SYN3: variants seen among roughly 807,000 people sequenced by gnomAD.
SYN3 encodes synapsin-3.
A neutral mutation model predicts 65.8 loss-of-function variants in SYN3; 35 were observed. The observed-to-expected ratio is 0.53, with a 90% CI of 0.41 to 0.70. SYN3 has a LOEUF of 0.70. Among genes scored for constraint, SYN3 ranks in the 30% least tolerant of loss-of-function variants. The probability of loss-of-function intolerance (pLI) is 0.00; values close to 1 mark genes in which losing one functional copy is unlikely to be tolerated. For missense variants in SYN3, 680 were observed against 749.0 expected (o/e 0.91, Z 1.08); for synonymous variants, 270 against 292.9 (o/e 0.92, Z 0.80).
chr22:32,813,003 G>C (rs903687105), intron 6 of SYN3, among the ~76,000 whole-genome samples: 2 of 152,186 alleles, frequency 1.3e-5, no homozygotes, highest in Non-Finnish European at 2.9e-5. Context: ...AGGTGGGAAG[G>C]TGGGTGTGGG....
At chr22:33,040,151 T>G (rs1046856247) in intron 1 of SYN3, among the ~76,000 whole-genome samples, 1 of 113,624 alleles carries the variant, frequency 8.8e-6, no homozygotes, top group Admixed American at 8.5e-5. Context: ...TTTTAATATA[T>G]ATTTTTTGTA....
At chr22:32,765,022 C>G (rs2045587259) in intron 6 of SYN3, among the ~76,000 whole-genome samples, 1 of 151,828 alleles carries the variant, frequency 6.6e-6, no homozygotes, top group African/African-American at 2.4e-5. Flanking sequence ...CCTGCGCCCC[C>G]ACCCCACCCC....
chr22:32,806,962 A>T (rs1176710956), intron 6 of SYN3, among the ~76,000 whole-genome samples: 2 of 152,050 alleles, frequency 1.3e-5, no homozygotes, highest in East Asian at 3.9e-4. Context: ...AGAACATTAA[A>T]CATCATGGAA....
chr22:32,570,370 T>C (rs1171092622), intron 7 of SYN3, among the ~76,000 whole-genome samples: 2 of 152,210 alleles, frequency 1.3e-5, no homozygotes, highest in East Asian at 1.9e-4. Context: ...GCAGTAAAGA[T>C]TTTTTTATGC....
At chr22:32,644,358 G>T (rs1333183615) in intron 6 of SYN3, among the ~76,000 whole-genome samples, 1 of 152,096 alleles carries the variant, frequency 6.6e-6, no homozygotes, top group Admixed American at 6.5e-5. Context: ...GGGGTATGAG[G>T]TGGGGAAGAG....
chr22:32,904,116 T>G (rs5754331), intron 4 of SYN3, among the ~76,000 whole-genome samples: 1 of 152,316 alleles, frequency 6.6e-6, no homozygotes, highest in South Asian at 2.1e-4. Flanking sequence ...TAAATGAGAC[T>G]TGTTTAAAGT....
At chr22:32,839,528 G>A (rs1030560633) in intron 6 of SYN3, among the ~76,000 whole-genome samples, 1 of 152,110 alleles carries the variant, frequency 6.6e-6, no homozygotes, top group Non-Finnish European at 1.5e-5. Context: ...CCCCAGGTAA[G>A]TCGGCCCTGA....
chr22:32,899,101 A>AAAAACAAAACAAAACAAAAC (rs137523), intron 4 of SYN3, among the ~76,000 whole-genome samples: 49,351 of 147,322 alleles, frequency 0.33, 8,969 homozygotes, highest in East Asian at 0.47. Flanking sequence ...ACTCTGTCTC[A>AAAAACAAAACAAAACAAAAC]AAAACAAAAC....
chr22:32,795,223 G>A (rs533717617), intron 6 of SYN3, among the ~76,000 whole-genome samples: 3 of 152,222 alleles, frequency 2.0e-5, no homozygotes, highest in Non-Finnish European at 2.9e-5. Context: ...AAAATGTACA[G>A]AAGCAGCAAT....
At chr22:32,537,166 C>G (rs554867830) in intron 9 of SYN3, among the ~76,000 whole-genome samples, 13 of 152,104 alleles carry the variant, frequency 8.5e-5, no homozygotes, top group Middle Eastern at 3.4e-3. Context: ...CCCTTCCCCC[C>G]CTTTTTTTTT....
chr22:32,857,491 T>C (rs991493290), intron 6 of SYN3: 14 of 757,476 alleles, frequency 1.8e-5, no homozygotes, highest in Non-Finnish European at 2.6e-5. Flanking sequence ...TAATGTTGAA[T>C]TCATCCCACT....
At chr22:32,713,549 G>A (rs2060993601) in intron 6 of SYN3, among the ~76,000 whole-genome samples, 3 of 152,128 alleles carry the variant, frequency 2.0e-5, no homozygotes, top group Admixed American at 2.0e-4. Context: ...CAGATATCCC[G>A]GCTGGGCGCG....
rs2057719065 is a variant in SYN3, at chr22:32,513,522, AG to A, written c.*169del. 2.2e-6 allele frequency: 2 copies of A among 910,640 alleles called. No homozygotes were observed. Among genetic ancestry groups the A allele is most frequent in the African/African-American group, 3.3e-5 (2 of 60,426 alleles). The allele number at this position is 910,640 out of a possible 1,614,324, so 56.4% of individuals were successfully genotyped here. ...AGACAATGCTGGAATGTCACGGTGAAGGAAAATGGGAACAAATATAGATAAT... is the reference window on the plus strand; with the variant it reads ...AGACAATGCTGGAATGTCACGGTGAAGAAAATGGGAACAAATATAGATAAT... On this transcript the variant is annotated 3_prime_UTR_variant, in exon 14 of 14. Transcript: ENST00000358763.
chr22:32,639,373 T>C (rs1177997208), intron 6 of SYN3, among the ~76,000 whole-genome samples: 2 of 152,328 alleles, frequency 1.3e-5, no homozygotes, highest in East Asian at 1.9e-4. Flanking sequence ...CCATTGCTTA[T>C]TTTTGGCAAC....
At chr22:32,545,454 G>A (rs2058322698) in intron 7 of SYN3, among the ~76,000 whole-genome samples, 1 of 152,216 alleles carries the variant, frequency 6.6e-6, no homozygotes, top group South Asian at 2.1e-4. Flanking sequence ...GGAGTGGGCA[G>A]GCGCCCTCTG....
chr22:32,746,534 A>G (rs962515253), intron 6 of SYN3, among the ~76,000 whole-genome samples: 2 of 152,128 alleles, frequency 1.3e-5, no homozygotes, highest in Non-Finnish European at 2.9e-5. Flanking sequence ...TCACCATGGG[A>G]TGAAGGCTTT....
At chr22:33,039,281 T>A (rs765966736) in intron 1 of SYN3, among the ~76,000 whole-genome samples, 23 of 152,154 alleles carry the variant, frequency 1.5e-4, no homozygotes, top group Non-Finnish European at 2.9e-4. Context: ...TGCTCAAAGC[T>A]ACTATGCCAT....
intron 7 of SYN3, among the ~76,000 whole-genome samples, chr22:32,568,783 G>A (rs2058706303): frequency 6.6e-6 from 1 of 152,178 alleles, no homozygotes; most frequent in African/African-American, 2.4e-5. Flanking sequence ...TACCTAGCTA[G>A]CTAGGTTGGT....
intron 3 of SYN3, among the ~76,000 whole-genome samples, chr22:32,943,287 A>G (rs1312767139): frequency 6.6e-6 from 1 of 152,244 alleles, no homozygotes; most frequent in Non-Finnish European, 1.5e-5. Flanking sequence ...GTGAGGGCCA[A>G]TATTCAACAT....
Sources: gnomAD v4.1 joint callset for allele counts (sites outside exome capture counted in the v4.1 genomes callset) on GRCh38, gnomAD v4.1.1 for gene constraint, MANE v1.5 for transcripts, NCBI Gene and HGNC (gene_info 2026-07-23, HGNC 2026-07-21) for gene names.